TRAPPC3: variants seen among roughly 807,000 people sequenced by gnomAD.
TRAPPC3 encodes trafficking protein particle complex 3.
TRAPPC3 carries 5 observed loss-of-function variants against 18.2 expected under a neutral mutation model. The ratio of observed to expected loss-of-function variants is 0.28; its 90% confidence interval spans 0.14 to 0.58. The LOEUF is 0.58. Among genes scored for constraint, TRAPPC3 ranks in the 20% least tolerant of loss-of-function variants. The pLI is 0.91. For missense variants in TRAPPC3, 176 were observed against 225.9 expected (o/e 0.78, Z 1.41); for synonymous variants, 65 against 84.2 (o/e 0.77, Z 1.25).
chr1:36,141,687 C>T (rs112647287), intron 1 of TRAPPC3, among the ~76,000 whole-genome samples: 2,083 of 151,288 alleles, frequency 0.014, 63 homozygotes, highest in African/African-American at 0.048. Context: ...AGGCTGGGCG[C>T]GGTGGCTCAC....
chr1:36,139,847 T>C (rs201962073), intron 2 of TRAPPC3, 28 bp from the exon 3 acceptor site: 2 of 1,613,214 alleles, frequency 1.2e-6, no homozygotes, highest in African/African-American at 1.3e-5. Flanking sequence ...GAAGAGACTA[T>C]GATGGAGTCT....
chr1:36,153,655 C>A (rs1246223037), upstream of TRAPPC3, among the ~76,000 whole-genome samples: 1 of 152,152 alleles, frequency 6.6e-6, no homozygotes, highest in Non-Finnish European at 1.5e-5. Context: ...GGCTTCTACG[C>A]GGTAGCTGCC....
intron 3 of TRAPPC3, among the ~76,000 whole-genome samples, chr1:36,139,091 A>T (rs1030176551): frequency 6.6e-6 from 1 of 151,866 alleles, no homozygotes; most frequent in African/African-American, 2.4e-5. Context: ...TAATTAAAGA[A>T]ATTTAAAGTA....
At chr1:36,138,376 A>G in intron 3 of TRAPPC3, 2 of 977,614 alleles carry the variant, frequency 2.0e-6, no homozygotes, top group South Asian at 3.2e-5. Context: ...TGCTACCTGA[A>G]TGCACCTTCT....
chr1:36,150,751 G>C (rs1644263105), upstream of TRAPPC3, among the ~76,000 whole-genome samples: 1 of 152,250 alleles, frequency 6.6e-6, no homozygotes, highest in Non-Finnish European at 1.5e-5. Context: ...TGCCACAGGG[G>C]AGGGAGCCAA....
chr1:36,152,285 ATTTC>A (rs1301749234), upstream of TRAPPC3, among the ~76,000 whole-genome samples: 1 of 140,072 alleles, frequency 7.1e-6, no homozygotes, highest in Non-Finnish European at 1.6e-5. Context: ...ATGGAAACAT[ATTTC>A]TTTTTCTTTT....
At chr1:36,146,000 G>T (rs1342773338) in intron 1 of TRAPPC3, among the ~76,000 whole-genome samples, 1 of 148,920 alleles carries the variant, frequency 6.7e-6, no homozygotes, top group Non-Finnish European at 1.5e-5. Context: ...GGATGGTCTC[G>T]ATCTCCTGAC....
chr1:36,137,534 A>AC, intron 4 of TRAPPC3: 2 of 633,158 alleles, frequency 3.2e-6, no homozygotes, highest in South Asian at 4.2e-5. Context: ...CAAGAATGAG[A>AC]CTGTCACCAA....
At chr1:36,151,298 G>A (rs1644269836), upstream of TRAPPC3, among the ~76,000 whole-genome samples, 1 of 152,134 alleles carries the variant, frequency 6.6e-6, no homozygotes, top group African/African-American at 2.4e-5. Flanking sequence ...AAAGGCAGGA[G>A]GAACACTTTA....
intron 3 of TRAPPC3, chr1:36,139,461 T>C: frequency 2.3e-6 from 1 of 438,864 alleles, no homozygotes; most frequent in Non-Finnish European, 4.1e-6. Flanking sequence ...CGACCGAGTC[T>C]GTATTCTTTA....
rs149144275 is a variant in TRAPPC3, at chr1:36,148,767, A to T, written c.42+570T>A. On this transcript the variant is annotated intron_variant, in intron 1 of 4. Coordinates refer to ENST00000373166, the MANE Select transcript of TRAPPC3 (RefSeq NM_014408.5). The stretch of plus-strand genomic sequence containing the variant: ...CTTACTCTGGCCCATCTCTTATTCC[A>T]TTGAATAAAACGTTCCTTTCTGGCA... Among the ~76,000 whole-genome samples the T allele has an allele frequency of 6.6e-5, 10 of 152,262 alleles. No homozygotes were observed. In the East Asian group the frequency reaches 1.9e-3, roughly 29 times the overall value.
At chr1:36,139,033 T>C (rs368816988) in intron 3 of TRAPPC3, among the ~76,000 whole-genome samples, 82 of 129,676 alleles carry the variant, frequency 6.3e-4, no homozygotes, top group African/African-American at 2.4e-3. Context: ...TGAGACTCCA[T>C]CTCAAAAAAA....
At position 36,139,719 on chromosome 1, in the gene TRAPPC3, C is replaced by A; in HGVS notation, c.240+1G>T. 1 of 1,614,092 alleles carries A rather than the reference C, an allele frequency of 6.2e-7. No individual in the cohort carries two copies. Among genetic ancestry groups the A allele is most frequent in the Non-Finnish European group, 8.5e-7 (1 of 1,180,002 alleles). ...ATGGACAGGTGGCCCAGAATAATGA[C>A]CTTGGCAATGACATCCGCAGTTTCC... On this transcript the variant is annotated splice_donor_variant, in intron 3 of 4. Transcript: ENST00000373166. LOFTEE classifies it high-confidence loss of function.
chr1:36,147,406 G>A (rs1308820453), intron 1 of TRAPPC3, among the ~76,000 whole-genome samples: 2 of 151,916 alleles, frequency 1.3e-5, no homozygotes, highest in Non-Finnish European at 2.9e-5. Flanking sequence ...AGCAGAGTTG[G>A]AGGGACTGCT....
intron 1 of TRAPPC3, chr1:36,149,125 T>G: frequency 6.9e-7 from 1 of 1,440,352 alleles, no homozygotes; most frequent in Non-Finnish European, 9.1e-7. Flanking sequence ...AGAGCTGCAC[T>G]CAGGCCTTGG....
intron 1 of TRAPPC3, among the ~76,000 whole-genome samples, chr1:36,146,313 T>C (rs1171554452): frequency 1.3e-5 from 2 of 148,548 alleles, no homozygotes; most frequent in Middle Eastern, 3.5e-3. Flanking sequence ...TTTTTTTTTT[T>C]TGAGATGGAG....
intron 1 of TRAPPC3, among the ~76,000 whole-genome samples, chr1:36,146,581 G>A (rs1308641481): frequency 8.4e-6 from 1 of 118,994 alleles, no homozygotes; most frequent in African/African-American, 3.3e-5. Context: ...ACCGCACCCA[G>A]CCTACTTCAT....
At chr1:36,151,613 A>AAAC (rs760973469), upstream of TRAPPC3, among the ~76,000 whole-genome samples, 8 of 151,914 alleles carry the variant, frequency 5.3e-5, no homozygotes, top group East Asian at 5.8e-4. Flanking sequence ...CCTTGTCTCA[A>AAAC]AACAACAACA....
rs936459649 is a variant in TRAPPC3 at position 36,149,184 on chromosome 1, T to C, written c.42+153A>G. On this transcript the variant is annotated intron_variant, in intron 1 of 4. Coordinates refer to ENST00000373166, the MANE Select transcript of TRAPPC3 (RefSeq NM_014408.5). ...TTCTCCGACGGTCCCCTCACCTGCC[T>C]GGAACGCCCCCGGAGTGACCCAGCA... The C allele has an allele frequency of 1.2e-5, 18 of 1,479,676 alleles. No individual in the cohort carries two copies. The African/African-American group carries it at 2.4e-4, about 20-fold the overall frequency. The allele number at this position is 1,479,676 out of a possible 1,614,324, so 91.7% of individuals were successfully genotyped here.
Sources: allele counts gnomAD v4.1 joint callset (sites outside exome capture counted in the v4.1 genomes callset), GRCh38; gene constraint gnomAD v4.1.1; transcripts MANE v1.5; gene names NCBI Gene and HGNC (gene_info 2026-07-23, HGNC 2026-07-21).